PAFAH1B2: variants seen among roughly 807,000 people sequenced by gnomAD.
PAFAH1B2 encodes the protein platelet activating factor acetylhydrolase 1b catalytic subunit 2.
In PAFAH1B2, 8 loss-of-function variants were observed where a neutral mutation model predicts 28.0. The observed-to-expected ratio is 0.29, with a 90% CI of 0.17 to 0.52. PAFAH1B2 has a LOEUF of 0.52. Among genes scored for constraint, PAFAH1B2 ranks in the 20% least tolerant of loss-of-function variants. The pLI, the probability that PAFAH1B2 is intolerant of heterozygous loss-of-function variation, is 0.97. For synonymous variants in PAFAH1B2, 104 were observed against 103.2 expected, an observed-to-expected ratio of 1.01 and a Z score of -0.05; for missense variants, 190 against 282.6, an observed-to-expected ratio of 0.67 and a Z score of 2.35.
At chr11:117,174,438 C>G (rs558613049), downstream of PAFAH1B2, among the ~76,000 whole-genome samples, 140 of 152,002 alleles carry the variant, frequency 9.2e-4, 1 homozygote, top group Non-Finnish European at 1.7e-3. Flanking sequence ...CCCACCTCAG[C>G]CTCCCAAAGT....
rs1406355768 is a variant in PAFAH1B2 at position 117,167,908 on chromosome 11, T to A, written c.*209T>A. The A allele has an allele frequency of 7.6e-6, 9 of 1,189,224 alleles. No individual in the cohort carries two copies. The highest frequency in any genetic ancestry group is 9.4e-6 in the Non-Finnish European group (9 of 959,796). 73.7% of individuals were successfully genotyped at this position (1,189,224 alleles called of 1,614,324 possible). On this transcript the variant is annotated 3_prime_UTR_variant, in exon 6 of 6. Coordinates refer to ENST00000527958, the MANE Select transcript of PAFAH1B2 (RefSeq NM_002572.4). ...AGGAGAAAAATTAGCCAAGGAAGATTGTTGTTTAAATTCATTTGAAACCAG... is the reference window on the plus strand; with the variant it reads ...AGGAGAAAAATTAGCCAAGGAAGATAGTTGTTTAAATTCATTTGAAACCAG...
intron 1 of PAFAH1B2, among the ~76,000 whole-genome samples, chr11:117,149,429 C>CTTTTTTTTTTTTTTTTTTTT (rs1565260556): frequency 1.2e-4 from 4 of 33,518 alleles, no homozygotes; most frequent in African/African-American, 2.1e-4. Flanking sequence ...GTTTTCTAAT[C>CTTTTTTTTTTTTTTTTTTTT]GTTTTTTTTT....
intron 5 of PAFAH1B2, among the ~76,000 whole-genome samples, chr11:117,164,738 TAA>T (rs1342747718): frequency 6.6e-5 from 10 of 151,392 alleles, no homozygotes; most frequent in Admixed American, 3.9e-4. Flanking sequence ...TGTTTCAGTA[TAA>T]AAGTCTAGCT....
intron 1 of PAFAH1B2, among the ~76,000 whole-genome samples, chr11:117,147,076 C>T (rs1956029589): frequency 6.6e-6 from 1 of 152,040 alleles, no homozygotes; most frequent in Non-Finnish European, 1.5e-5. Flanking sequence ...CGAGACCACC[C>T]TGACCAATAT....
At chr11:117,144,497 G>C (rs956360166) in intron 1 of PAFAH1B2, 79 bp downstream of exon 1, 2 of 185,612 alleles carry the variant, frequency 1.1e-5, no homozygotes, top group South Asian at 1.4e-4. Context: ...TATTGTGAGA[G>C]GCCCGCGACC....
intron 3 of PAFAH1B2, among the ~76,000 whole-genome samples, chr11:117,160,755 C>G (rs115281714): frequency 0.034 from 5,136 of 152,096 alleles, 278 homozygotes; most frequent in African/African-American, 0.12. Context: ...CTGTGCCCAG[C>G]CCCAAGGGAA....
chr11:117,152,653 A>G (rs963566420), intron 2 of PAFAH1B2, 125 bp downstream of exon 2: 1 of 689,842 alleles, frequency 1.4e-6, no homozygotes, highest in East Asian at 2.6e-5. Flanking sequence ...GCAGGGCTCA[A>G]GTGATCCTCC....
At chr11:117,151,585 A>T (rs928661062) in intron 1 of PAFAH1B2, among the ~76,000 whole-genome samples, 29 of 152,146 alleles carry the variant, frequency 1.9e-4, no homozygotes, top group African/African-American at 7.0e-4. Flanking sequence ...CCTAGTAAAC[A>T]TTTGTCGAAA....
chr11:117,152,627 A>G, intron 2 of PAFAH1B2, 99 bp downstream of exon 2: 2 of 832,696 alleles, frequency 2.4e-6, no homozygotes, highest in Non-Finnish European at 4.1e-6. Context: ...TGTGTTGCCC[A>G]GGCTGATCTC....
chr11:117,172,016 A>G (rs2134229641), downstream of PAFAH1B2, among the ~76,000 whole-genome samples: 1 of 152,160 alleles, frequency 6.6e-6, no homozygotes, highest in Non-Finnish European at 1.5e-5. Flanking sequence ...GCAGCAGTGA[A>G]AGCAGCCTGG....
downstream of PAFAH1B2, among the ~76,000 whole-genome samples, chr11:117,174,291 C>G (rs1032604087): frequency 6.6e-6 from 1 of 151,578 alleles, no homozygotes; most frequent in Non-Finnish European, 1.5e-5. Context: ...TCAAGTGATT[C>G]TCCTGCCTCA....
At position 117,168,720 on chromosome 11, in the gene PAFAH1B2, A is replaced by G. The variant is rs139312714; in HGVS notation, c.*1021A>G. On this transcript the variant is annotated 3_prime_UTR_variant, in exon 6 of 6. Coordinates refer to ENST00000527958, the MANE Select transcript of PAFAH1B2 (RefSeq NM_002572.4). ...TCAGAACTCTTGTTTCCCATTCCATAGCACCTGACATTATTTCAAGTTTTA... is the reference window on the plus strand; with the variant it reads ...TCAGAACTCTTGTTTCCCATTCCATGGCACCTGACATTATTTCAAGTTTTA... 425 of 1,052,904 alleles carry G rather than the reference A, an allele frequency of 4.0e-4. 2 individuals are homozygous for G. In the African/African-American group the frequency reaches 6.5e-3, roughly 16 times the overall value. The allele number at this position is 1,052,904 out of a possible 1,614,324, so 65.2% of individuals were successfully genotyped here.
At chr11:117,163,258 C>A (rs1003449889) in intron 4 of PAFAH1B2, among the ~76,000 whole-genome samples, 2 of 152,176 alleles carry the variant, frequency 1.3e-5, no homozygotes, top group Non-Finnish European at 2.9e-5. Flanking sequence ...GAGTTTAAGA[C>A]CAGCCTGGGC....
chr11:117,165,379 A>G (rs1189023037), intron 5 of PAFAH1B2, among the ~76,000 whole-genome samples: 1 of 151,596 alleles, frequency 6.6e-6, no homozygotes, highest in African/African-American at 2.4e-5. Flanking sequence ...CTAGCTGTAG[A>G]TATTCTTAGT....
At chr11:117,154,971 TA>T (rs1956228509) in intron 2 of PAFAH1B2, among the ~76,000 whole-genome samples, 1 of 152,176 alleles carries the variant, frequency 6.6e-6, no homozygotes, top group African/African-American at 2.4e-5. Flanking sequence ...ATATTTTGCG[TA>T]ATAAAAAGGT....
rs1192391055 is a variant in PAFAH1B2, at chr11:117,176,583, C to T, written c.*1685C>T. ...GTGGCCACATTTCTTTTCCTTTAAA[C>T]ATGTCTAATTTGGCCGGGCGCAGTG... On this transcript the variant is annotated 3_prime_UTR_variant, in exon 6 of 6. Coordinates refer to the PAFAH1B2 transcript ENST00000419197. The T allele has an allele frequency of 1.7e-5, 3 of 179,528 alleles. No homozygotes were observed. The East Asian group carries it at 2.8e-4, about 16-fold the overall frequency. The allele number at this position is 179,528 out of a possible 1,614,324, so 11.1% of individuals were successfully genotyped here.
At chr11:117,153,724 C>A (rs552678537) in intron 2 of PAFAH1B2, among the ~76,000 whole-genome samples, 4 of 151,918 alleles carry the variant, frequency 2.6e-5, no homozygotes, top group Non-Finnish European at 5.9e-5. Context: ...TATATACTAA[C>A]GTAGTGGGTT....
downstream of PAFAH1B2, among the ~76,000 whole-genome samples, chr11:117,172,373 TATATATATATATATATATATATATATA>T (rs1435681935): frequency 0.057 from 288 of 5,014 alleles, 14 homozygotes; most frequent in African/African-American, 0.13. Flanking sequence ...TATATATATA[TATATATATATATATATATATATATATA>T]TATATTTTTT....
At chr11:117,150,586 C>T (rs536117166) in intron 1 of PAFAH1B2, among the ~76,000 whole-genome samples, 3 of 152,014 alleles carry the variant, frequency 2.0e-5, no homozygotes, top group East Asian at 1.9e-4. Context: ...TATGCTTTCA[C>T]GTTTGGGGCT....
Sources: gnomAD v4.1 joint callset for allele counts (sites outside exome capture counted in the v4.1 genomes callset) on GRCh38, gnomAD v4.1.1 for gene constraint, MANE v1.5 for transcripts, NCBI Gene and HGNC (gene_info 2026-07-23, HGNC 2026-07-21) for gene names.